PCDHGB2: variants seen among roughly 807,000 people sequenced by gnomAD.
PCDHGB2 encodes protocadherin gamma-B2.
PCDHGB2 carries 55 observed loss-of-function variants against 59.3 expected under a neutral mutation model. The observed-to-expected ratio is 0.93, with a 90% CI of 0.75 to 1.16. The LOEUF is 1.16. Ranked by LOEUF, PCDHGB2 falls within the 50% of genes most tolerant of loss-of-function variation. PCDHGB2 has a pLI of 0.00. For synonymous variants in PCDHGB2, 516 were observed against 512.0 expected (o/e 1.01, Z -0.11); for missense variants, 1,228 against 1,198.5 (o/e 1.02, Z -0.36).
At chr5:141,374,816 C>A (rs771806207) in intron 1 of PCDHGB2, 1 of 1,613,964 alleles carries the variant, frequency 6.2e-7, no homozygotes, top group Non-Finnish European at 8.5e-7. Context: ...GTTTACTCAG[C>A]CTGTCTACCG....
At chr5:141,428,004 G>A in intron 1 of PCDHGB2, 1 of 1,601,732 alleles carries the variant, frequency 6.2e-7, no homozygotes, top group Non-Finnish European at 8.5e-7. Flanking sequence ...CGCACTCTTC[G>A]ATATAGTGCC....
chr5:141,388,040 G>T (rs1561617548), intron 1 of PCDHGB2: 1 of 1,412,752 alleles, frequency 7.1e-7, no homozygotes, highest in East Asian at 2.5e-5. Context: ...ACCTCGCCAC[G>T]GACCTGGGGT....
chr5:141,370,840 G>T (rs762166631), intron 1 of PCDHGB2: 1 of 1,614,022 alleles, frequency 6.2e-7, no homozygotes, highest in South Asian at 1.1e-5. Flanking sequence ...GCTCTCACTG[G>T]AGCCACATTT....
chr5:141,421,931 A>T, intron 1 of PCDHGB2: 1 of 1,613,556 alleles, frequency 6.2e-7, no homozygotes, highest in East Asian at 2.2e-5. Context: ...GTGGTCCTCG[A>T]TGTAAATGAT....
intron 3 of PCDHGB2, among the ~76,000 whole-genome samples, chr5:141,510,203 G>A (rs1164886289): frequency 6.6e-6 from 1 of 151,680 alleles, no homozygotes; most frequent in Non-Finnish European, 1.5e-5. Flanking sequence ...AGCCCAGGAG[G>A]CAGAGGTTGC....
At chr5:141,420,473 G>A (rs1016985115) in intron 1 of PCDHGB2, 8 of 707,118 alleles carry the variant, frequency 1.1e-5, no homozygotes, top group Non-Finnish European at 1.6e-5. Flanking sequence ...ACATTTTAAA[G>A]CAAACTACAT....
At chr5:141,386,173 C>T (rs72790028) in intron 1 of PCDHGB2, among the ~76,000 whole-genome samples, 9,793 of 152,202 alleles carry the variant, frequency 0.064, 369 homozygotes, top group African/African-American at 0.1. Flanking sequence ...AACCTTAGAC[C>T]ATCTTATGTA....
chr5:141,432,250 A>C lies in PCDHGB2; in HGVS notation c.2422-62557A>C, dbSNP rs777728825. ...ATTCCCTGGCTGAGAACACCATCCA[A>C]GGGGCAAGCCTATCGTCCTACGTGT... On this transcript the variant is annotated intron_variant, in intron 1 of 3. Coordinates refer to ENST00000522605, the MANE Select transcript of PCDHGB2 (RefSeq NM_018923.3). This position sits in a 1 kb window ranked among gnomAD's most constrained non-coding sequence, Gnocchi z 6.0. 2 of 1,614,116 alleles carry C rather than the reference A, an allele frequency of 1.2e-6. No homozygotes were observed. The highest frequency in any genetic ancestry group is 1.7e-6 in the Non-Finnish European group (2 of 1,180,062).
At chr5:141,503,133 C>A (rs1164077875) in intron 2 of PCDHGB2, among the ~76,000 whole-genome samples, 1 of 152,002 alleles carries the variant, frequency 6.6e-6, no homozygotes, top group Non-Finnish European at 1.5e-5. Context: ...CTGGTAGCCC[C>A]TGACACAGCC....
At chr5:141,427,986 G>C in intron 1 of PCDHGB2, 1 of 1,598,018 alleles carries the variant, frequency 6.3e-7, no homozygotes, top group East Asian at 2.2e-5. Context: ...GCTGGGGCCC[G>C]ATGGCTCCGC....
At chr5:141,443,615 C>T (rs1430581477) in intron 1 of PCDHGB2, among the ~76,000 whole-genome samples, 3 of 152,198 alleles carry the variant, frequency 2.0e-5, no homozygotes, top group Non-Finnish European at 4.4e-5. Flanking sequence ...TTCTTATAAT[C>T]AGGTGATTGT....
At chr5:141,398,667 A>G (rs750777887) in intron 1 of PCDHGB2, 1 of 1,614,006 alleles carries the variant, frequency 6.2e-7, no homozygotes, top group Admixed American at 1.7e-5. Flanking sequence ...GTTTCTCATT[A>G]ATAATTAAGG....
chr5:141,367,096 G>A (rs1364732092), intron 1 of PCDHGB2: 1 of 251,526 alleles, frequency 4.0e-6, no homozygotes, highest in East Asian at 1.1e-4. Flanking sequence ...TCTCTTTTGA[G>A]TGTCTGCCTA....
chr5:141,360,589 T>C lies in PCDHGB2; in HGVS notation c.454T>C (p.Phe152Leu). The C allele has an allele frequency of 6.2e-7, 1 of 1,613,982 alleles. No homozygotes were observed. Among genetic ancestry groups the C allele is most frequent in the East Asian group, 2.2e-5 (1 of 44,880 alleles). Residue 152 changes from phenylalanine to leucine, a missense_variant, in exon 1 of 4, where the codon TTT becomes CTT. By Grantham distance (22) the Phe-to-Leu change is conservative. Transcript: ENST00000522605. ...IGESTKPGTT[F>L]PLDPALDSDV... ...CGAATCCACTAAGCCAGGTACAACATTTCCACTTGACCCAGCCCTGGATTC... is the reference window on the plus strand; with the variant it reads ...CGAATCCACTAAGCCAGGTACAACACTTCCACTTGACCCAGCCCTGGATTC...
intron 1 of PCDHGB2, among the ~76,000 whole-genome samples, chr5:141,437,036 G>A (rs916860661): frequency 6.6e-6 from 1 of 152,294 alleles, no homozygotes; most frequent in Middle Eastern, 3.4e-3. Flanking sequence ...ATGGATCACC[G>A]AAACCAGAAG....
chr5:141,492,360 G>A (rs2099739696), intron 1 of PCDHGB2, among the ~76,000 whole-genome samples: 1 of 152,190 alleles, frequency 6.6e-6, no homozygotes, highest in African/African-American at 2.4e-5. Context: ...CCACTCGCTC[G>A]CGGCCAGATT....
At chr5:141,479,964 A>G (rs188553800) in intron 1 of PCDHGB2, among the ~76,000 whole-genome samples, 1 of 152,330 alleles carries the variant, frequency 6.6e-6, no homozygotes, top group East Asian at 1.9e-4. Context: ...AGTTAGTCAA[A>G]TGAGGTTCTA....
intron 1 of PCDHGB2, chr5:141,374,762 C>A (rs765014957): frequency 1.2e-5 from 19 of 1,613,390 alleles, no homozygotes. Flanking sequence ...AAGCGTCGCC[C>A]AAATTCTGGT....
intron 1 of PCDHGB2, chr5:141,392,578 A>G: frequency 2.2e-6 from 1 of 461,792 alleles, no homozygotes; most frequent in Non-Finnish European, 3.8e-6. Context: ...TTAGGACTGT[A>G]AGCGCCGCTG....
Sources: gnomAD v4.1 joint callset for allele counts (sites outside exome capture counted in the v4.1 genomes callset) on GRCh38, gnomAD v4.1.1 for gene constraint, Gnocchi (gnomAD v3.1) non-coding constraint, MANE v1.5 for transcripts, NCBI Gene and HGNC (gene_info 2026-07-23, HGNC 2026-07-21) for gene names.